CFAP57: variants seen among roughly 807,000 people sequenced by gnomAD.
CFAP57 encodes cilia- and flagella-associated protein 57.
A neutral mutation model predicts 146.8 loss-of-function variants in CFAP57; 116 were observed. The ratio of observed to expected loss-of-function variants is 0.79; its 90% confidence interval spans 0.68 to 0.92. CFAP57 has a LOEUF of 0.92. Ranked by LOEUF, CFAP57 falls within the 40% of genes least tolerant of loss-of-function variation. The probability of loss-of-function intolerance (pLI) is 0.00; values close to 1 mark genes in which losing one functional copy is unlikely to be tolerated. For synonymous variants in CFAP57, 518 were observed against 552.8 expected (o/e 0.94, Z 0.88); for missense variants, 1,377 against 1,527.2 (o/e 0.90, Z 1.64).
chr1:43,183,138 C>G (rs938246724), intron 3 of CFAP57, among the ~76,000 whole-genome samples: 1 of 152,132 alleles, frequency 6.6e-6, no homozygotes, highest in African/African-American at 2.4e-5. Flanking sequence ...GGACATGATC[C>G]CATTGTAAGT....
chr1:43,189,713 T>C (rs1049028351), intron 6 of CFAP57, among the ~76,000 whole-genome samples: 10 of 152,214 alleles, frequency 6.6e-5, no homozygotes, highest in Admixed American at 6.5e-4. Flanking sequence ...TTTAATTGGC[T>C]CATGGTTCTG....
intron 21 of CFAP57, among the ~76,000 whole-genome samples, chr1:43,236,935 T>C (rs562395533): frequency 1.3e-5 from 2 of 149,210 alleles, no homozygotes; most frequent in South Asian, 2.1e-4. Flanking sequence ...GCAATTTCCA[T>C]CCTCTTCATC....
At chr1:43,241,358 C>T (rs1284159224) in intron 21 of CFAP57, among the ~76,000 whole-genome samples, 1 of 152,078 alleles carries the variant, frequency 6.6e-6, no homozygotes, top group Non-Finnish European at 1.5e-5. Flanking sequence ...AAGTAATATA[C>T]TGGAAGTCTA....
At chr1:43,242,414 T>G (rs1557832619) in intron 21 of CFAP57, among the ~76,000 whole-genome samples, 1 of 152,144 alleles carries the variant, frequency 6.6e-6, no homozygotes, top group Non-Finnish European at 1.5e-5. Context: ...ATGACTACAT[T>G]ATAGGTACTC....
intron 10 of CFAP57, among the ~76,000 whole-genome samples, chr1:43,207,184 T>C (rs1043304207): frequency 1.3e-5 from 2 of 152,220 alleles, no homozygotes; most frequent in Non-Finnish European, 2.9e-5. Context: ...CCCTTTTACT[T>C]GCTGTCTGTA....
At chr1:43,213,855 T>C (rs956364163) in intron 11 of CFAP57, among the ~76,000 whole-genome samples, 3 of 152,014 alleles carry the variant, frequency 2.0e-5, no homozygotes, top group Admixed American at 2.0e-4. Context: ...GTATGTCTTC[T>C]TTTGAGAAAT....
At chr1:43,226,871 GGTTGACCTCTTCAACCA>G in intron 17 of CFAP57, 95 bp from the exon 18 acceptor site, 1 of 1,254,244 alleles carries the variant, frequency 8.0e-7, no homozygotes, top group Non-Finnish European at 1.1e-6. Context: ...GGAGTCTCCT[GGTTGACCTCTTCAACCA>G]GGAGAGTCAC....
intron 17 of CFAP57, among the ~76,000 whole-genome samples, chr1:43,225,971 G>A (rs569153504): frequency 1.7e-4 from 26 of 152,228 alleles, no homozygotes; most frequent in Non-Finnish European, 2.8e-4. Context: ...TCAGGAGTTC[G>A]AGACCAGCCT....
At chr1:43,210,382 AAGT>A (rs2124497060) in intron 11 of CFAP57, 1 of 1,271,724 alleles carries the variant, frequency 7.9e-7, no homozygotes, top group East Asian at 3.7e-5. Context: ...CCTTCTCATA[AAGT>A]AGTATCTATG....
In CFAP57 at chr1:43,185,165, C is replaced by A. The variant is rs754127220; in HGVS notation, c.778C>A (p.Pro260Thr). 1 of 1,614,114 alleles carries A rather than the reference C, an allele frequency of 6.2e-7. No individual in the cohort carries two copies. Among genetic ancestry groups the A allele is most frequent in the Non-Finnish European group, 8.5e-7 (1 of 1,180,022 alleles). The change falls in exon 5 of 23, where the codon CCA (proline) becomes ACA (threonine). Residue 260 changes from proline (P) to threonine (T), a missense_variant. Coordinates refer to ENST00000372492, the MANE Select transcript of CFAP57 (RefSeq NM_001378189.1). The part of the protein sequence containing the change: ...QESESLIEFP[P>T]VSSPLPSYEQ... ...TGTTTCCAGCCTGATTGAATTTCCA[C>A]CAGTCAGTTCTCCACTCCCTTCCTA...
In CFAP57 at chr1:43,222,994, G is replaced by A. The variant is rs373591898; in HGVS notation, c.2703G>A (p.Lys901=). ...AGGGAGAAACAGGCATCATGAGGAAGAAGGTAGCAGGCTGTTCTCCAAGAG... is the reference window on the plus strand; with the variant it reads ...AGGGAGAAACAGGCATCATGAGGAAAAAGGTAGCAGGCTGTTCTCCAAGAG... The part of the protein sequence containing the change: ...RLKGETGIMR[K]KFSSLQKEIE... The change falls in exon 16 of 23, where the codon AAG becomes AAA. Residue 901 remains lysine, a synonymous_variant. Transcript: ENST00000372492. 6.5e-7 allele frequency: 1 copy of A among 1,548,194 alleles called. No homozygotes were observed.
intron 18 of CFAP57, among the ~76,000 whole-genome samples, chr1:43,230,325 C>T (rs1279932554): frequency 2.0e-5 from 3 of 152,246 alleles, no homozygotes; most frequent in Non-Finnish European, 2.9e-5. Flanking sequence ...CTCAGCCAAA[C>T]TGGCAGCCTC....
intron 16 of CFAP57, among the ~76,000 whole-genome samples, 167 bp from the exon 17 acceptor site, chr1:43,223,879 A>G (rs1385654439): frequency 6.6e-6 from 1 of 152,222 alleles, no homozygotes; most frequent in Non-Finnish European, 1.5e-5. Context: ...GAACCGTCCC[A>G]AATGCTCCAG....
chr1:43,220,113 AATAG>A (rs1344467857), intron 13 of CFAP57, among the ~76,000 whole-genome samples: 1 of 152,228 alleles, frequency 6.6e-6, no homozygotes, highest in Non-Finnish European at 1.5e-5. Context: ...ACATATAGAA[AATAG>A]ATAACAGTAT....
chr1:43,231,491 A>G (rs924109320), intron 18 of CFAP57, among the ~76,000 whole-genome samples: 3 of 152,340 alleles, frequency 2.0e-5, no homozygotes, highest in South Asian at 2.1e-4. Context: ...AGCTAGTCTC[A>G]TCCTAATTGG....
chr1:43,192,346 G>T (rs986616649), intron 6 of CFAP57, among the ~76,000 whole-genome samples: 5 of 152,182 alleles, frequency 3.3e-5, no homozygotes, highest in African/African-American at 1.2e-4. Flanking sequence ...GCATGGCCTG[G>T]TGTGGTGGCT....
At chr1:43,232,131 G>A in intron 18 of CFAP57, 2 of 699,626 alleles carry the variant, frequency 2.9e-6, no homozygotes, top group Non-Finnish European at 5.2e-6. Context: ...GAAAGCAGGT[G>A]AGGAAGGTGC....
At chr1:43,173,632 A>G (rs1645062179) in intron 2 of CFAP57, among the ~76,000 whole-genome samples, 1 of 152,222 alleles carries the variant, frequency 6.6e-6, no homozygotes, top group Non-Finnish European at 1.5e-5. Context: ...ACATCTCGAT[A>G]CATATAGCCA....
chr1:43,237,838 C>T (rs1343149962), intron 21 of CFAP57, among the ~76,000 whole-genome samples: 1 of 152,146 alleles, frequency 6.6e-6, no homozygotes, highest in East Asian at 1.9e-4. Flanking sequence ...ACAGTTTGTC[C>T]TGTAAACAGG....
Sources: gnomAD v4.1 joint callset for allele counts (sites outside exome capture counted in the v4.1 genomes callset) on GRCh38, gnomAD v4.1.1 for gene constraint, MANE v1.5 for transcripts, NCBI Gene and HGNC (gene_info 2026-07-23, HGNC 2026-07-21) for gene names.